The following ROBO1 variants were observed in gnomAD, a reference collection of about 807,000 sequenced individuals.
ROBO1 encodes roundabout guidance receptor 1.
In ROBO1, 149 loss-of-function variants were observed where a neutral mutation model predicts 195.9. That is an observed-to-expected ratio of 0.76 (90% CI 0.67 to 0.87). The LOEUF is 0.87. ROBO1 is among the 40% of genes least tolerant of loss of function. The pLI, the probability that ROBO1 is intolerant of heterozygous loss-of-function variation, is 0.00. For missense variants in ROBO1, 1,933 were observed against 2,068.3 expected, an observed-to-expected ratio of 0.93 and a Z score of 1.27; for synonymous variants, 816 against 733.2, an observed-to-expected ratio of 1.11 and a Z score of -1.82.
chr3:79,598,302 C>A (rs1205375562), intron 1 of ROBO1, among the ~76,000 whole-genome samples: 1 of 151,990 alleles, frequency 6.6e-6, no homozygotes, highest in African/African-American at 2.4e-5. Flanking sequence ...AACTAAGTTA[C>A]CTGAAGCACA....
At chr3:78,952,278 C>A (rs1311990063) in intron 3 of ROBO1, among the ~76,000 whole-genome samples, 1 of 150,912 alleles carries the variant, frequency 6.6e-6, no homozygotes, top group Non-Finnish European at 1.5e-5. Context: ...GAGTAGCTGA[C>A]AGATACACCA....
intron 4 of ROBO1, among the ~76,000 whole-genome samples, chr3:78,812,282 A>G (rs2084766854): frequency 2.0e-5 from 3 of 152,204 alleles, no homozygotes; most frequent in Admixed American, 2.0e-4. Context: ...GACTCGGTCT[A>G]TGTCATTGTT....
chr3:78,795,551 T>C (rs568171587), intron 4 of ROBO1, among the ~76,000 whole-genome samples: 56 of 152,376 alleles, frequency 3.7e-4, no homozygotes, highest in African/African-American at 1.3e-3. Context: ...GGTCGCTTCC[T>C]TCAGGTAATG....
At chr3:79,451,870 CAG>C (rs1443483538) in intron 2 of ROBO1, among the ~76,000 whole-genome samples, 8 of 151,720 alleles carry the variant, frequency 5.3e-5, no homozygotes, top group Non-Finnish European at 1.2e-4. Flanking sequence ...TTACATTTAA[CAG>C]AGGAGTATGC....
intron 5 of ROBO1, among the ~76,000 whole-genome samples, chr3:78,727,345 G>A (rs1490610973): frequency 2.0e-5 from 3 of 152,172 alleles, no homozygotes; most frequent in Middle Eastern, 6.8e-3. Context: ...ACTACATCTC[G>A]GCCGGGCGCG....
At chr3:79,263,152 C>G (rs116121566) in intron 2 of ROBO1, among the ~76,000 whole-genome samples, 1 of 152,042 alleles carries the variant, frequency 6.6e-6, no homozygotes, top group Non-Finnish European at 1.5e-5. Flanking sequence ...ATGAAATCTG[C>G]GCTCTCAACT....
intron 2 of ROBO1, among the ~76,000 whole-genome samples, chr3:79,190,329 T>C (rs750307663): frequency 4.6e-5 from 7 of 151,638 alleles, no homozygotes; most frequent in Non-Finnish European, 1.0e-4. Flanking sequence ...GGCTATTGAG[T>C]ACTTGGGATG....
intron 1 of ROBO1, among the ~76,000 whole-genome samples, chr3:79,659,950 G>C (rs1277787335): frequency 6.6e-6 from 1 of 152,068 alleles, no homozygotes; most frequent in Non-Finnish European, 1.5e-5. Flanking sequence ...GCAATGATTG[G>C]TTCCCTATAT....
chr3:78,616,752 AAC>A (rs1704137256), intron 27 of ROBO1, among the ~76,000 whole-genome samples: 1 of 152,168 alleles, frequency 6.6e-6, no homozygotes, highest in African/African-American at 2.4e-5. Flanking sequence ...CAAAAATATA[AAC>A]ACACAAAAAT....
intron 3 of ROBO1, among the ~76,000 whole-genome samples, chr3:78,959,666 C>A (rs1432790973): frequency 6.6e-6 from 1 of 152,128 alleles, no homozygotes; most frequent in Non-Finnish European, 1.5e-5. Context: ...AAGTTCAATA[C>A]AGAGCTATAC....
At chr3:79,071,556 A>C (rs2079089538) in intron 3 of ROBO1, among the ~76,000 whole-genome samples, 1 of 151,696 alleles carries the variant, frequency 6.6e-6, no homozygotes, top group East Asian at 1.9e-4. Context: ...TTTTTATGGC[A>C]ATTTCTTTTC....
At chr3:79,554,675 T>G (rs1207795486) in intron 2 of ROBO1, among the ~76,000 whole-genome samples, 1 of 152,130 alleles carries the variant, frequency 6.6e-6, no homozygotes, top group East Asian at 1.9e-4. Flanking sequence ...GGGAGACTCC[T>G]ATTATTCATA....
intron 3 of ROBO1, among the ~76,000 whole-genome samples, chr3:79,075,785 A>G (rs2079163123): frequency 6.6e-6 from 1 of 151,942 alleles, no homozygotes; most frequent in Admixed American, 6.6e-5. Flanking sequence ...TGGGCACTAT[A>G]GTATTTGGAA....
intron 3 of ROBO1, among the ~76,000 whole-genome samples, chr3:79,059,292 G>T (rs2078870409): frequency 6.6e-6 from 1 of 152,052 alleles, no homozygotes; most frequent in Non-Finnish European, 1.5e-5. Flanking sequence ...TGTGCTTGGA[G>T]CTGAGGCATT....
intron 2 of ROBO1, among the ~76,000 whole-genome samples, chr3:79,517,921 C>T (rs1941021491): frequency 6.6e-6 from 1 of 151,824 alleles, no homozygotes; most frequent in African/African-American, 2.4e-5. Context: ...TCATTTAATC[C>T]CTTTCAGGAA....
intron 4 of ROBO1, among the ~76,000 whole-genome samples, chr3:78,751,273 A>AGAG (rs1289305417): frequency 2.0e-5 from 3 of 151,746 alleles, no homozygotes; most frequent in Non-Finnish European, 4.4e-5. Context: ...TCCTCGGGGG[A>AGAG]GAGGAGCATG....
chr3:79,156,056 G>C (rs984913443), intron 2 of ROBO1, among the ~76,000 whole-genome samples: 1 of 151,578 alleles, frequency 6.6e-6, no homozygotes, highest in African/African-American at 2.4e-5. Flanking sequence ...TTTTCCAGAG[G>C]GTCGTTCACT....
intron 2 of ROBO1, among the ~76,000 whole-genome samples, chr3:79,187,072 G>A (rs940154814): frequency 4.6e-5 from 7 of 152,074 alleles, no homozygotes; most frequent in African/African-American, 1.7e-4. Flanking sequence ...GAAGAATGCT[G>A]TCTTCAGATT....
At chr3:78,837,605 A>ATTTTTTT (rs947804979) in intron 4 of ROBO1, among the ~76,000 whole-genome samples, 2 of 152,128 alleles carry the variant, frequency 1.3e-5, no homozygotes, top group African/African-American at 4.8e-5. Context: ...CAAAACTATC[A>ATTTTTTT]TTTTTTGATG....
Sources: allele counts gnomAD v4.1 joint callset (sites outside exome capture counted in the v4.1 genomes callset), GRCh38; gene constraint gnomAD v4.1.1; transcripts MANE v1.5; gene names NCBI Gene and HGNC (gene_info 2026-07-23, HGNC 2026-07-21).